Variants in C11orf87 observed in about 807,000 individuals in gnomAD.
C11orf87 encodes the protein uncharacterized protein C11orf87.
Under a neutral mutation model 9.2 loss-of-function variants are expected in C11orf87, and 3 were observed. That is an observed-to-expected ratio of 0.33 (90% confidence interval 0.15 to 0.84). The LOEUF is 0.84. C11orf87 is among the 40% of genes least tolerant of loss of function. C11orf87 has a pLI of 0.55. For synonymous variants in C11orf87, 124 were observed against 124.6 expected, an observed-to-expected ratio of 1.00 and a Z score of 0.03; for missense variants, 256 against 270.7, an observed-to-expected ratio of 0.95 and a Z score of 0.38.
In C11orf87 at chr11:109,423,309, G is replaced by C; in HGVS notation, c.-259-66G>C. 2 of 404,102 alleles carry C rather than the reference G, an allele frequency of 4.9e-6. No homozygotes were observed. The highest frequency in any genetic ancestry group is 6.5e-5 in the South Asian group (2 of 30,758). The allele number at this position is 404,102 out of a possible 1,614,324, so 25.0% of individuals were successfully genotyped here. A position where few individuals can be genotyped will look rare whatever the true frequency, so the allele number is the denominator to read the frequency against. ...AGAGGGCCGCTTTGCGGTGGTGGTT[G>C]ATCTTTCCCGACAGCACTCCCCTGG... On this transcript the variant is annotated intron_variant, in intron 1 of 1. Coordinates refer to ENST00000327419, the MANE Select transcript of C11orf87 (RefSeq NM_207645.4). This position sits in a 1 kb window ranked among gnomAD's most constrained non-coding sequence, Gnocchi z 5.3.
Position 109,424,176 on chromosome 11 carries a change from C to G in C11orf87, c.543C>G (p.Ser181=). Residue 181 remains serine (S), a synonymous_variant, in exon 2 of 2, where the codon TCC becomes TCG. Transcript: ENST00000327419. This position sits in a 1 kb window ranked among gnomAD's most constrained non-coding sequence, Gnocchi z 4.7. ...CCCAAGGAGCACACGCAGCTTCCTC[C>G]TGTTTGGACACAGCTGGCGAGGGCC... ...SSPQGAHAAS[S]CLDTAGEGLL... 6.2e-7 allele frequency: 1 copy of G among 1,614,212 alleles called. No homozygotes were observed. The highest frequency in any genetic ancestry group is 8.5e-7 in the Non-Finnish European group (1 of 1,180,048).
Position 109,429,067 on chromosome 11 carries a change from T to C in C11orf87, c.*4840T>C, listed in dbSNP as rs1332573590. On this transcript the variant is annotated 3_prime_UTR_variant, in exon 2 of 2. Transcript: ENST00000327419. The stretch of plus-strand genomic sequence containing the variant: ...AGAAGAAAAAAGATATTAGAATTCA[T>C]GGAAATTTTGTTTTGCTTTTCTATC... 3.3e-5 allele frequency: 5 copies of C among 152,214 alleles called. No homozygotes were observed. The highest frequency in any genetic ancestry group is 1.2e-4 in the African/African-American group (5 of 41,470). The allele number at this position is 152,214 out of a possible 1,614,324, so 9.4% of individuals were successfully genotyped here. A position where few individuals can be genotyped will look rare whatever the true frequency, so the allele number is the denominator to read the frequency against.
In C11orf87 at chr11:109,424,094, C is replaced by T. The variant is rs1410537362; in HGVS notation, c.461C>T (p.Pro154Leu). ...SNASSLSSSS[P>L]GLPCQGPCAP... ...GCCTCGTCGTTGTCCTCTTCGTCCC[C>T]TGGCCTCCCGTGCCAGGGTCCCTGT... Residue 154 changes from proline (P) to leucine (L), a missense_variant, in exon 2 of 2, where the codon CCT becomes CTT. Transcript: ENST00000327419. This position sits in a 1 kb window ranked among gnomAD's most constrained non-coding sequence, Gnocchi z 4.7. 1.2e-6 allele frequency: 2 copies of T among 1,613,806 alleles called. No homozygotes were observed. The highest frequency in any genetic ancestry group is 1.7e-5 in the Admixed American group (1 of 60,010).
chr11:109,427,164 C>T lies in C11orf87; in HGVS notation c.*2937C>T, dbSNP rs538005969. ...ATGTATATTGTAAAACAAATGATCT[C>T]AATACCTCTCAACGTGGGCACACAT... On this transcript the variant is annotated 3_prime_UTR_variant, in exon 2 of 2. Transcript: ENST00000327419. The T allele has an allele frequency of 2.6e-5, 4 of 152,280 alleles. No individual in the cohort carries two copies. The East Asian group carries it at 5.8e-4, about 22-fold the overall frequency. 9.4% of individuals were successfully genotyped at this position (152,280 alleles called of 1,614,324 possible). A position where few individuals can be genotyped will look rare whatever the true frequency, so the allele number is the denominator to read the frequency against.
rs900996096 is a variant in C11orf87, at chr11:109,424,088, C to T, written c.455C>T (p.Ser152Leu). 2.5e-6 allele frequency: 4 copies of T among 1,613,800 alleles called. No individual in the cohort carries two copies. Among genetic ancestry groups the T allele is most frequent in the African/African-American group, 2.7e-5 (2 of 74,932 alleles). ...TCCAACGCCTCGTCGTTGTCCTCTT[C>T]GTCCCCTGGCCTCCCGTGCCAGGGT... ...APSNASSLSSSSPGLPCQGPC... is the reference protein window; with the variant it reads ...APSNASSLSSLSPGLPCQGPC... Residue 152 changes from serine (S) to leucine (L), a missense_variant, in exon 2 of 2, where the codon TCG (serine) becomes TTG (leucine). Coordinates refer to ENST00000327419, the MANE Select transcript of C11orf87 (RefSeq NM_207645.4). The surrounding 1 kb of genome is among the most constrained non-coding windows in gnomAD (Gnocchi z 4.7).
chr11:109,423,722 G>GCGGCAA lies in C11orf87; in HGVS notation c.91_96dup (p.Gly31_Asn32dup). 1 of 1,613,628 alleles carries GCGGCAA rather than the reference G, an allele frequency of 6.2e-7. No homozygotes were observed. Among genetic ancestry groups the GCGGCAA allele is most frequent in the Non-Finnish European group, 8.5e-7 (1 of 1,179,864 alleles). ...TTTGCTTCCCCCAACGCCAGCGGCA[G>GCGGCAA]CGGCAACACGGGTGCCCGCGGCCCA... On this transcript the variant is annotated inframe_insertion, in exon 2 of 2. Transcript: ENST00000327419. This position sits in a 1 kb window ranked among gnomAD's most constrained non-coding sequence, Gnocchi z 5.3.
rs1221259231 is a variant in C11orf87 at position 109,427,972 on chromosome 11, T to C, written c.*3745T>C. Reference sequence around the variant, plus strand: ...AAGTCCGGTATGTGCATGCACTTGTTTCTCTGGGGTCAAATCTGAATGACT... The same window carrying C: ...AAGTCCGGTATGTGCATGCACTTGTCTCTCTGGGGTCAAATCTGAATGACT... On this transcript the variant is annotated 3_prime_UTR_variant, in exon 2 of 2. Coordinates refer to ENST00000327419, the MANE Select transcript of C11orf87 (RefSeq NM_207645.4). The C allele has an allele frequency of 1.3e-5, 2 of 152,130 alleles. No homozygotes were observed. The highest frequency in any genetic ancestry group is 4.8e-5 in the African/African-American group (2 of 41,444). The allele number at this position is 152,130 out of a possible 1,614,324, so 9.4% of individuals were successfully genotyped here. A position where few individuals can be genotyped will look rare whatever the true frequency, so the allele number is the denominator to read the frequency against.
rs1010754901 is a variant in C11orf87 at position 109,426,250 on chromosome 11, T to C, written c.*2023T>C. ...AAAGCTCTACCAAGAGAGTCCTTAC[T>C]ATCCTGCAGGGTGTAAGGCAACAGT... On this transcript the variant is annotated 3_prime_UTR_variant, in exon 2 of 2. Transcript: ENST00000327419. 2 of 152,190 alleles carry C rather than the reference T, an allele frequency of 1.3e-5. No homozygotes were observed. The highest frequency in any genetic ancestry group is 2.4e-5 in the African/African-American group (1 of 41,440). The allele number at this position is 152,190 out of a possible 1,614,324, so 9.4% of individuals were successfully genotyped here. A position where few individuals can be genotyped will look rare whatever the true frequency, so the allele number is the denominator to read the frequency against.
Position 109,428,280 on chromosome 11 carries a change from G to A in C11orf87, c.*4053G>A, listed in dbSNP as rs1302132830. On this transcript the variant is annotated 3_prime_UTR_variant, in exon 2 of 2. Coordinates refer to ENST00000327419, the MANE Select transcript of C11orf87 (RefSeq NM_207645.4). The stretch of plus-strand genomic sequence containing the variant: ...ATATCTGCATAGCTAAAGGTAAAGT[G>A]AAAATATGACCATTATCTGTTTAGT... 7.2e-5 allele frequency: 11 copies of A among 152,078 alleles called. No individual in the cohort carries two copies. 9.4% of individuals were successfully genotyped at this position (152,078 alleles called of 1,614,324 possible).
chr11:109,423,406 G>A lies in C11orf87; in HGVS notation c.-228G>A, dbSNP rs1860521710. The A allele has an allele frequency of 1.7e-6, 1 of 581,258 alleles. No homozygotes were observed. Among genetic ancestry groups the A allele is most frequent in the Non-Finnish European group, 3.0e-6 (1 of 330,028 alleles). The allele number at this position is 581,258 out of a possible 1,614,324, so 36.0% of individuals were successfully genotyped here. On this transcript the variant is annotated 5_prime_UTR_variant, in exon 2 of 2. Coordinates refer to ENST00000327419, the MANE Select transcript of C11orf87 (RefSeq NM_207645.4). The surrounding 1 kb of genome is among the most constrained non-coding windows in gnomAD (Gnocchi z 5.3). The stretch of plus-strand genomic sequence containing the variant: ...GCCTCTGCAAAGGAAAGGGGAGCGT[G>A]GAGACGTGTTCGAGGTGGTATCGGC...
rs1860604140 is a variant in C11orf87 at position 109,428,711 on chromosome 11, T to C, written c.*4484T>C. 6.6e-6 allele frequency: 1 copy of C among 152,170 alleles called. No individual in the cohort carries two copies. The highest frequency in any genetic ancestry group is 1.5e-5 in the Non-Finnish European group (1 of 68,000). The allele number at this position is 152,170 out of a possible 1,614,324, so 9.4% of individuals were successfully genotyped here. A position where few individuals can be genotyped will look rare whatever the true frequency, so the allele number is the denominator to read the frequency against. On this transcript the variant is annotated 3_prime_UTR_variant, in exon 2 of 2. Coordinates refer to ENST00000327419, the MANE Select transcript of C11orf87 (RefSeq NM_207645.4). ...CAATCTATAAGAGAGTGTTTAATCA[T>C]TGGAATGAATGTAAATCTGATTCTG...
chr11:109,425,825 G>A lies in C11orf87; in HGVS notation c.*1598G>A, dbSNP rs886784010. On this transcript the variant is annotated 3_prime_UTR_variant, in exon 2 of 2. Transcript: ENST00000327419. ...GGATGTTGGGCAATTTGGATGATAA[G>A]ACATGCGAATTTCAAGAAAAGCTAG... The A allele has an allele frequency of 1.3e-5, 2 of 152,282 alleles. No homozygotes were observed. The highest frequency in any genetic ancestry group is 2.9e-5 in the Non-Finnish European group (2 of 68,038). The allele number at this position is 152,282 out of a possible 1,614,324, so 9.4% of individuals were successfully genotyped here. A position where few individuals can be genotyped will look rare whatever the true frequency, so the allele number is the denominator to read the frequency against.
rs568834323 is a variant in C11orf87, at chr11:109,429,164, G to A, written c.*4937G>A. 5.9e-5 allele frequency: 9 copies of A among 152,050 alleles called. No homozygotes were observed. Among genetic ancestry groups the A allele is most frequent in the Non-Finnish European group, 1.3e-4 (9 of 67,992 alleles). The allele number at this position is 152,050 out of a possible 1,614,324, so 9.4% of individuals were successfully genotyped here. A position where few individuals can be genotyped will look rare whatever the true frequency, so the allele number is the denominator to read the frequency against. On this transcript the variant is annotated 3_prime_UTR_variant, in exon 2 of 2. Coordinates refer to ENST00000327419, the MANE Select transcript of C11orf87 (RefSeq NM_207645.4). ...TGCCAATTTAATGTACAATATACCAGGATAACATAATTGCTTATTCTATTA... is the reference window on the plus strand; with the variant it reads ...TGCCAATTTAATGTACAATATACCAAGATAACATAATTGCTTATTCTATTA...
intron 1 of C11orf87, among the ~76,000 whole-genome samples, 185 bp downstream of exon 1, chr11:109,422,448 T>C (rs1860503593): frequency 6.6e-6 from 1 of 152,208 alleles, no homozygotes; most frequent in South Asian, 2.1e-4. Context: ...AGTGCAACAG[T>C]TTGCAGCTGC....
In C11orf87 at chr11:109,427,249, G is replaced by A. The variant is rs779714958; in HGVS notation, c.*3022G>A. 3.3e-5 allele frequency: 5 copies of A among 152,170 alleles called. No individual in the cohort carries two copies. Among genetic ancestry groups the A allele is most frequent in the Non-Finnish European group, 5.9e-5 (4 of 68,018 alleles). The allele number at this position is 152,170 out of a possible 1,614,324, so 9.4% of individuals were successfully genotyped here. A position where few individuals can be genotyped will look rare whatever the true frequency, so the allele number is the denominator to read the frequency against. On this transcript the variant is annotated 3_prime_UTR_variant, in exon 2 of 2. Coordinates refer to ENST00000327419, the MANE Select transcript of C11orf87 (RefSeq NM_207645.4). ...GTGTGCCTTTCTCCATTAATTGACT[G>A]TAGTTTAATATTTTTAATAGTGCTC...
chr11:109,428,812 C>T lies in C11orf87; in HGVS notation c.*4585C>T, dbSNP rs1232781652. 1 of 152,130 alleles carries T rather than the reference C, an allele frequency of 6.6e-6. No individual in the cohort carries two copies. The highest frequency in any genetic ancestry group is 1.5e-5 in the Non-Finnish European group (1 of 68,000). The allele number at this position is 152,130 out of a possible 1,614,324, so 9.4% of individuals were successfully genotyped here. A position where few individuals can be genotyped will look rare whatever the true frequency, so the allele number is the denominator to read the frequency against. Reference sequence around the variant, plus strand: ...ATCAATACTTATTAATGTCTTCAACCTAATAATACAATTGGTGTCATGTAT... The same window carrying T: ...ATCAATACTTATTAATGTCTTCAACTTAATAATACAATTGGTGTCATGTAT... On this transcript the variant is annotated 3_prime_UTR_variant, in exon 2 of 2. Coordinates refer to ENST00000327419, the MANE Select transcript of C11orf87 (RefSeq NM_207645.4).
rs950997913 is a variant in C11orf87, at chr11:109,423,521, C to T, written c.-113C>T. 5 of 1,119,350 alleles carry T rather than the reference C, an allele frequency of 4.5e-6. No individual in the cohort carries two copies. In the African/African-American group the frequency reaches 6.3e-5, roughly 14 times the overall value. The allele number at this position is 1,119,350 out of a possible 1,614,324, so 69.3% of individuals were successfully genotyped here. A position where few individuals can be genotyped will look rare whatever the true frequency, so the allele number is the denominator to read the frequency against. On this transcript the variant is annotated 5_prime_UTR_variant, in exon 2 of 2. Transcript: ENST00000327419. This position sits in a 1 kb window ranked among gnomAD's most constrained non-coding sequence, Gnocchi z 5.3. The stretch of plus-strand genomic sequence containing the variant: ...CTTGGCTCGCTCGCACACCCCCTCC[C>T]GCTACAGGGAGCAGTTTTGGGTGGC...
chr11:109,422,734 T>TTTTTTC (rs1198566896), intron 1 of C11orf87, among the ~76,000 whole-genome samples: 8 of 144,884 alleles, frequency 5.5e-5, no homozygotes, highest in African/African-American at 2.0e-4. Context: ...TTTTTTTTTT[T>TTTTTTC]TTTTTTTTTT....
In C11orf87 at chr11:109,424,103, C is replaced by G. The variant is rs777533474; in HGVS notation, c.470C>G (p.Pro157Arg). 2 of 1,613,666 alleles carry G rather than the reference C, an allele frequency of 1.2e-6. No homozygotes were observed. The highest frequency in any genetic ancestry group is 3.3e-5 in the Admixed American group (2 of 60,006). ...SSLSSSSPGL[P>R]CQGPCAPPPP... ...TTGTCCTCTTCGTCCCCTGGCCTCCCGTGCCAGGGTCCCTGTGCTCCTCCG... is the reference window on the plus strand; with the variant it reads ...TTGTCCTCTTCGTCCCCTGGCCTCCGGTGCCAGGGTCCCTGTGCTCCTCCG... The change falls in exon 2 of 2, where the codon CCG becomes CGG. Residue 157 changes from proline to arginine, a missense_variant. Transcript: ENST00000327419. This position sits in a 1 kb window ranked among gnomAD's most constrained non-coding sequence, Gnocchi z 4.7.
Sources: gnomAD v4.1 joint callset for allele counts (sites outside exome capture counted in the v4.1 genomes callset) on GRCh38, gnomAD v4.1.1 for gene constraint, Gnocchi (gnomAD v3.1) non-coding constraint, MANE v1.5 for transcripts, NCBI Gene and HGNC (gene_info 2026-07-23, HGNC 2026-07-21) for gene names.